Variants in SNX29 observed in about 807,000 individuals in gnomAD.
SNX29 encodes sorting nexin-29.
SNX29 carries 78 observed loss-of-function variants against 102.1 expected under a neutral mutation model. The observed-to-expected ratio is 0.76, with a 90% CI of 0.64 to 0.92. The LOEUF is 0.92. Ranked by LOEUF, SNX29 falls within the 40% of genes least tolerant of loss-of-function variation. The pLI is 0.00. For synonymous variants in SNX29, 580 were observed against 414.5 expected (o/e 1.40, Z -4.85); for missense variants, 1,280 against 1,061.7 (o/e 1.21, Z -2.86).
chr16:12,366,629 C>A (rs2082493091), intron 16 of SNX29, among the ~76,000 whole-genome samples: 1 of 152,214 alleles, frequency 6.6e-6, no homozygotes, highest in Non-Finnish European at 1.5e-5. Flanking sequence ...TAGAACAGCA[C>A]TGCCTTTCCC....
At chr16:12,432,834 C>T (rs747327318) in intron 18 of SNX29, among the ~76,000 whole-genome samples, 13 of 152,228 alleles carry the variant, frequency 8.5e-5, no homozygotes, top group Non-Finnish European at 1.9e-4. Context: ...GTCTTGCAGC[C>T]GGGGAGCAGG....
chr16:12,157,128 C>A (rs1476934659), intron 13 of SNX29, among the ~76,000 whole-genome samples: 1 of 152,106 alleles, frequency 6.6e-6, no homozygotes, highest in African/African-American at 2.4e-5. Context: ...GGAGAGTCCC[C>A]CGAGGAGTGT....
chr16:12,457,265 A>C (rs4327068), intron 18 of SNX29, among the ~76,000 whole-genome samples: 2 of 152,060 alleles, frequency 1.3e-5, no homozygotes, highest in Non-Finnish European at 2.9e-5. Context: ...TCCCCGCTCT[A>C]TAGATGCTAA....
At chr16:12,285,919 G>A (rs545010296) in intron 15 of SNX29, among the ~76,000 whole-genome samples, 6 of 152,036 alleles carry the variant, frequency 3.9e-5, no homozygotes, top group East Asian at 1.9e-4. Flanking sequence ...GCAGTGGTAC[G>A]ATCTCAGCTC....
intron 4 of SNX29, among the ~76,000 whole-genome samples, chr16:12,042,060 C>G (rs866001291): frequency 4.6e-5 from 7 of 152,176 alleles, no homozygotes; most frequent in Middle Eastern, 6.8e-3. Context: ...GAGGCTGAGT[C>G]TTGTTCTGCC....
chr16:12,176,671 G>A (rs182055309), intron 13 of SNX29, among the ~76,000 whole-genome samples: 86 of 152,300 alleles, frequency 5.6e-4, no homozygotes, highest in African/African-American at 2.0e-3. Flanking sequence ...TCATATAAGG[G>A]ACTTGAGCAC....
intron 11 of SNX29, among the ~76,000 whole-genome samples, chr16:12,112,115 C>G (rs1359314408): frequency 6.6e-6 from 1 of 152,176 alleles, no homozygotes; most frequent in Non-Finnish European, 1.5e-5. Context: ...TTGGAGTTTA[C>G]TGCTGGGTGA....
intron 20 of SNX29, among the ~76,000 whole-genome samples, chr16:12,555,306 CCT>C (rs1374374832): frequency 6.6e-6 from 1 of 151,426 alleles, no homozygotes; most frequent in African/African-American, 2.4e-5. Flanking sequence ...CCAGTCAATC[CCT>C]CTCATAGCCC....
intron 20 of SNX29, among the ~76,000 whole-genome samples, chr16:12,547,833 C>A (rs2077706288): frequency 6.6e-6 from 1 of 152,162 alleles, no homozygotes; most frequent in African/African-American, 2.4e-5. Context: ...CTTACTGAGC[C>A]CCAGATTCCA....
intron 5 of SNX29, 55 bp downstream of exon 5, chr16:12,043,132 G>C: frequency 1.3e-6 from 2 of 1,594,666 alleles, no homozygotes; most frequent in East Asian, 2.3e-5. Context: ...GAAGATCTTG[G>C]AGTCTGGAAT....
chr16:12,280,039 G>A (rs1023249008), intron 15 of SNX29, among the ~76,000 whole-genome samples: 11 of 152,190 alleles, frequency 7.2e-5, no homozygotes, highest in Admixed American at 6.5e-5. Context: ...AGCGTGTAGG[G>A]GTGGGGTGGG....
intron 11 of SNX29, among the ~76,000 whole-genome samples, chr16:12,097,046 C>T (rs565111082): frequency 2.0e-5 from 3 of 152,296 alleles, no homozygotes; most frequent in Admixed American, 1.3e-4. Flanking sequence ...CAGTGATCTT[C>T]CAGGCTGCAC....
intron 20 of SNX29, among the ~76,000 whole-genome samples, chr16:12,542,907 A>T (rs531713722): frequency 6.4e-4 from 98 of 152,256 alleles, no homozygotes; most frequent in African/African-American, 2.3e-3. Flanking sequence ...TTGAGTAGGG[A>T]ATCTTTGCTT....
intron 15 of SNX29, among the ~76,000 whole-genome samples, chr16:12,338,037 C>G (rs563568896): frequency 6.6e-6 from 1 of 152,144 alleles, no homozygotes; most frequent in Non-Finnish European, 1.5e-5. Flanking sequence ...GAAGCACCTG[C>G]ATTTGGAGCT....
At chr16:12,297,631 A>G (rs1424305438) in intron 15 of SNX29, among the ~76,000 whole-genome samples, 1 of 152,122 alleles carries the variant, frequency 6.6e-6, no homozygotes, top group East Asian at 1.9e-4. Context: ...GTGGTGATGG[A>G]TGTGTTAATT....
chr16:12,462,362 G>T (rs1040134929), intron 18 of SNX29, among the ~76,000 whole-genome samples: 1 of 152,118 alleles, frequency 6.6e-6, no homozygotes, highest in Non-Finnish European at 1.5e-5. Context: ...TGTATCTGGG[G>T]AGAAGAGGGA....
At position 12,569,018 on chromosome 16, in the gene SNX29, C is replaced by G. The variant is rs371742377; in HGVS notation, c.*389C>G. On this transcript the variant is annotated 3_prime_UTR_variant, in exon 21 of 21. Transcript: ENST00000566228. ...CCTATATAGGAAGGTTCATGCAGAG[C>G]CAGCCTCTCCACTCTTTCCCACGTG... is the stretch of plus-strand genomic sequence containing the variant. 7 of 252,016 alleles carry G rather than the reference C, an allele frequency of 2.8e-5. No individual in the cohort carries two copies. Among genetic ancestry groups the G allele is most frequent in the African/African-American group, 1.5e-4 (7 of 45,728 alleles). 15.6% of individuals were successfully genotyped at this position (252,016 alleles called of 1,614,324 possible).
At chr16:12,357,257 T>C (rs1203599783) in intron 16 of SNX29, among the ~76,000 whole-genome samples, 1 of 152,216 alleles carries the variant, frequency 6.6e-6, no homozygotes, top group Non-Finnish European at 1.5e-5. Context: ...GTTATCTACA[T>C]CTGCTTCCTC....
chr16:12,332,651 CCA>C (rs1239277744), intron 15 of SNX29, among the ~76,000 whole-genome samples: 1 of 152,128 alleles, frequency 6.6e-6, no homozygotes, highest in Non-Finnish European at 1.5e-5. Flanking sequence ...GTCCTTAGGC[CCA>C]CCTTCCAGGT....
Sources: gnomAD v4.1 joint callset for allele counts (sites outside exome capture counted in the v4.1 genomes callset) on GRCh38, gnomAD v4.1.1 for gene constraint, MANE v1.5 for transcripts, NCBI Gene and HGNC (gene_info 2026-07-23, HGNC 2026-07-21) for gene names.